Variants in SBK2 observed in about 807,000 individuals in gnomAD.
SBK2 encodes the protein serine/threonine-protein kinase SBK2.
A neutral mutation model predicts 15.9 loss-of-function variants in SBK2; 18 were observed. That is an observed-to-expected ratio of 1.13 (90% CI 0.78 to 1.68). SBK2 has a LOEUF of 1.68. Ranked by LOEUF, SBK2 falls within the 40% of genes most tolerant of loss-of-function variation. SBK2 has a pLI of 0.00. For synonymous variants in SBK2, 284 were observed against 246.8 expected, an observed-to-expected ratio of 1.15 and a Z score of -1.41; for missense variants, 581 against 510.9, an observed-to-expected ratio of 1.14 and a Z score of -1.32.
In SBK2 at chr19:55,529,622, A is replaced by G; in HGVS notation, c.*111T>C. ...GAGAGGAGAGAGGAGGAGGACGCCGAGGGGAATCCCAAGCCCCATGGATGA... is the reference window on the plus strand; with the variant it reads ...GAGAGGAGAGAGGAGGAGGACGCCGGGGGGAATCCCAAGCCCCATGGATGA... On this transcript the variant is annotated 3_prime_UTR_variant, in exon 4 of 4. Coordinates refer to ENST00000413299, the MANE Select transcript of SBK2 (RefSeq NM_001370096.2). 1 of 1,412,852 alleles carries G rather than the reference A, an allele frequency of 7.1e-7. No individual in the cohort carries two copies. Among genetic ancestry groups the G allele is most frequent in the South Asian group, 1.4e-5 (1 of 70,250 alleles). The allele number at this position is 1,412,852 out of a possible 1,614,324, so 87.5% of individuals were successfully genotyped here.
chr19:55,529,745 C>A lies in SBK2; in HGVS notation c.1035G>T (p.Glu345Asp), dbSNP rs761760033. The change falls in exon 4 of 4, where the codon GAG becomes GAT. Residue 345 changes from glutamate to aspartate, a missense_variant. Coordinates refer to ENST00000413299, the MANE Select transcript of SBK2 (RefSeq NM_001370096.2). The part of the protein sequence containing the change: ...EAEAVGAVEE[E>D]AGQ ...CCCCGGGGCCTCCTCACTGCCCAGC[C>A]TCCTCTTCCACCGCTCCCACTGCCT... 1 of 1,601,052 alleles carries A rather than the reference C, an allele frequency of 6.2e-7. No homozygotes were observed. The highest frequency in any genetic ancestry group is 1.1e-5 in the South Asian group (1 of 91,038).
rs199765502 is a variant in SBK2 at position 55,529,863 on chromosome 19, C to A, written c.917G>T (p.Gly306Val). The change falls in exon 4 of 4, where the codon GGG becomes GTG. Residue 306 changes from glycine (G) to valine (V), a missense_variant. Coordinates refer to ENST00000413299, the MANE Select transcript of SBK2 (RefSeq NM_001370096.2). ...CCTTCGGGGGTGAGGGTCCAGCAGCCCCCGCAGAAGCGCGTCGGCCGCGGC... is the reference window on the plus strand; with the variant it reads ...CCTTCGGGGGTGAGGGTCCAGCAGCACCCGCAGAAGCGCGTCGGCCGCGGC... ...LAAAADALLR[G>V]LLDPHPRRRS... 533 of 1,600,610 alleles carry A rather than the reference C, an allele frequency of 3.3e-4. 3 individuals carry two copies. The African/African-American group carries it at 6.5e-3, about 19-fold the overall frequency.
At chr19:55,531,966 G>GAA (rs35311081) in intron 2 of SBK2, among the ~76,000 whole-genome samples, 7 of 150,922 alleles carry the variant, frequency 4.6e-5, no homozygotes, top group South Asian at 2.1e-4. Context: ...GGGACAGAGT[G>GAA]AAAAAAAAAT....
chr19:55,536,864 C>A (rs1003021855), intron 1 of SBK2, among the ~76,000 whole-genome samples, 190 bp downstream of exon 1: 8 of 148,686 alleles, frequency 5.4e-5, no homozygotes, highest in African/African-American at 1.7e-4. Context: ...TCATACAATT[C>A]ACACAACTGG....
Position 55,529,251 on chromosome 19 carries a change from C to G in SBK2, c.*482G>C, listed in dbSNP as rs556804502. On this transcript the variant is annotated 3_prime_UTR_variant, in exon 4 of 4. Transcript: ENST00000413299. ...ATCTCTAAAAAAAGTTAAAAATTAG[C>G]CTAGCGTGGTGGCGCATGCCTGTAG... is the stretch of plus-strand genomic sequence containing the variant. Among the ~76,000 whole-genome samples, 2 of 152,242 alleles carry G rather than the reference C, an allele frequency of 1.3e-5. No homozygotes were observed. The highest frequency in any genetic ancestry group is 2.9e-5 in the Non-Finnish European group (2 of 68,008).
chr19:55,530,411 C>T lies in SBK2; in HGVS notation c.457-88G>A, dbSNP rs1261135936. ...AGCAGGCCCAGGACGCCAAGGAGGC[C>T]GGTAAGGAAGACGGTGAATAGTTGG... On this transcript the variant is annotated intron_variant, in intron 3 of 3. Transcript: ENST00000413299. 5.7e-6 allele frequency: 7 copies of T among 1,231,842 alleles called. No homozygotes were observed. The East Asian group carries it at 1.2e-4, about 20-fold the overall frequency. 76.3% of individuals were successfully genotyped at this position (1,231,842 alleles called of 1,614,324 possible). A position where few individuals can be genotyped will look rare whatever the true frequency, so the allele number is the denominator to read the frequency against.
Position 55,530,115 on chromosome 19 carries a change from G to A in SBK2, c.665C>T (p.Pro222Leu). ...TLLRLAGPPI[P>L]YTAPELCAPP... ...CGCGCAGAGCTCGGGGGCCGTGTAG[G>A]GGATGGGCGGCCCGGCCAGGCGCAG... Residue 222 changes from proline to leucine, a missense_variant, in exon 4 of 4, where the codon CCC becomes CTC. Physicochemically the swap from Pro to Leu is moderately conservative, Grantham distance 98. Coordinates refer to ENST00000413299, the MANE Select transcript of SBK2 (RefSeq NM_001370096.2). The A allele has an allele frequency of 6.9e-7, 1 of 1,458,592 alleles. No homozygotes were observed. The highest frequency in any genetic ancestry group is 9.0e-7 in the Non-Finnish European group (1 of 1,109,972). 90.4% of individuals were successfully genotyped at this position (1,458,592 alleles called of 1,614,324 possible). A position where few individuals can be genotyped will look rare whatever the true frequency, so the allele number is the denominator to read the frequency against.
At position 55,536,501 on chromosome 19, in the gene SBK2, T is replaced by TGCC. The variant is rs566147009; in HGVS notation, c.-2-208_-2-206dup. ...CAGGTCACAGATGTCCCTGCCCGCG[T>TGCC]GCCGCCGCCGCCACCCGCCCACCCT... On this transcript the variant is annotated intron_variant, in intron 1 of 3. Coordinates refer to ENST00000413299, the MANE Select transcript of SBK2 (RefSeq NM_001370096.2). 4.5e-4 allele frequency among the ~76,000 whole-genome samples: 68 copies of TGCC among 150,078 alleles called. No homozygotes were observed. In the East Asian group the frequency reaches 0.011, roughly 25 times the overall value.
In SBK2 at chr19:55,536,478, G is replaced by A. The variant is rs189504224; in HGVS notation, c.-2-182C>T. 2.0e-5 allele frequency among the ~76,000 whole-genome samples: 3 copies of A among 148,812 alleles called. No homozygotes were observed. The Admixed American group carries it at 2.0e-4, about 10-fold the overall frequency. On this transcript the variant is annotated intron_variant, in intron 1 of 3. Coordinates refer to ENST00000413299, the MANE Select transcript of SBK2 (RefSeq NM_001370096.2). ...AAGTCTGGTGTGAGTTCAAGCCCCAGGTCACAGATGTCCCTGCCCGCGTGC... is the reference window on the plus strand; with the variant it reads ...AAGTCTGGTGTGAGTTCAAGCCCCAAGTCACAGATGTCCCTGCCCGCGTGC...
intron 1 of SBK2, among the ~76,000 whole-genome samples, chr19:55,536,708 C>T (rs1163923294): frequency 2.6e-5 from 4 of 152,034 alleles, no homozygotes; most frequent in South Asian, 2.1e-4. Flanking sequence ...TGCATGGGAC[C>T]GAGCACTTGG....
At chr19:55,535,711 A>G (rs1409569894) in intron 2 of SBK2, among the ~76,000 whole-genome samples, 1 of 152,144 alleles carries the variant, frequency 6.6e-6, no homozygotes, top group East Asian at 1.9e-4. Context: ...CTACTAAGAA[A>G]GAAAAATACA....
rs1052964697 is a variant in SBK2, at chr19:55,529,187, G to C, written c.*546C>G. ...AGGCAGGAGGATTGTTTGAGGCCAG[G>C]AGTTGACACCCACCTGGGCAACATA... On this transcript the variant is annotated 3_prime_UTR_variant, in exon 4 of 4. Coordinates refer to ENST00000413299, the MANE Select transcript of SBK2 (RefSeq NM_001370096.2). Among the ~76,000 whole-genome samples the C allele has an allele frequency of 1.3e-5, 2 of 150,930 alleles. No individual in the cohort carries two copies. The highest frequency in any genetic ancestry group is 1.3e-4 in the Admixed American group (2 of 15,144).
rs192986596 is a variant in SBK2 at position 55,534,013 on chromosome 19, G to A, written c.253+2029C>T. On this transcript the variant is annotated intron_variant, in intron 2 of 3. Transcript: ENST00000413299. ...CCCGCCTGTTACTGCTCATGCCTCC[G>A]GCTTTGTGAGCACCCAGGGCTGGAT... Among the ~76,000 whole-genome samples the A allele has an allele frequency of 1.1e-3, 171 of 152,288 alleles. 2 individuals are homozygous for A. Among genetic ancestry groups the A allele is most frequent in the African/African-American group, 3.9e-3 (163 of 41,550 alleles).
At position 55,536,189 on chromosome 19, in the gene SBK2, G is replaced by A; in HGVS notation, c.106C>T (p.Gln36Ter). Residue 36 changes from glutamine (Q) to a stop codon, truncating the protein, a stop_gained, in exon 2 of 4, where the codon CAG (glutamine) becomes TAG (stop). Transcript: ENST00000413299. LOFTEE classifies it high-confidence loss of function. ...GLTLEELQQG[Q>*]EAARALEDMM... ...TCCTCCAGCGCGCGGGCAGCCTCCTGGCCCTGCTGGAGCTCCTCTAATGTC... is the reference window on the plus strand; with the variant it reads ...TCCTCCAGCGCGCGGGCAGCCTCCTAGCCCTGCTGGAGCTCCTCTAATGTC... 2.5e-6 allele frequency: 4 copies of A among 1,607,380 alleles called. No homozygotes were observed. The highest frequency in any genetic ancestry group is 3.4e-6 in the Non-Finnish European group (4 of 1,177,350).
chr19:55,528,617 C>A lies in SBK2; in HGVS notation c.*1116G>T, dbSNP rs1568490323. Among the ~76,000 whole-genome samples, 1 of 152,130 alleles carries A rather than the reference C, an allele frequency of 6.6e-6. No individual in the cohort carries two copies. Among genetic ancestry groups the A allele is most frequent in the Non-Finnish European group, 1.5e-5 (1 of 68,032 alleles). On this transcript the variant is annotated 3_prime_UTR_variant, in exon 4 of 4. Coordinates refer to ENST00000413299, the MANE Select transcript of SBK2 (RefSeq NM_001370096.2). ...ACTCGCAGCAGCACTGGGATCTGAG[C>A]GCCAGATGGAGTTTATTTGCAGAGT...
chr19:55,535,049 T>G (rs1031690864), intron 2 of SBK2, among the ~76,000 whole-genome samples: 3 of 150,768 alleles, frequency 2.0e-5, no homozygotes, highest in African/African-American at 4.9e-5. Flanking sequence ...AAGAAAAAAG[T>G]CAAAAGTTCT....
Position 55,529,868 on chromosome 19 carries a change from C to A in SBK2, c.912G>T (p.Leu304=), listed in dbSNP as rs1323970335. ...FGLAAAADAL[L]RGLLDPHPRR... The stretch of plus-strand genomic sequence containing the variant: ...GGGGGTGAGGGTCCAGCAGCCCCCG[C>A]AGAAGCGCGTCGGCCGCGGCGGCCA... Residue 304 remains leucine, a synonymous_variant, in exon 4 of 4, where the codon CTG becomes CTT. Transcript: ENST00000413299. The A allele has an allele frequency of 6.3e-7, 1 of 1,598,562 alleles. No homozygotes were observed.
chr19:55,529,641 T>A lies in SBK2; in HGVS notation c.*92A>T, dbSNP rs1443440317. ...ACGCCGAGGGGAATCCCAAGCCCCA[T>A]GGATGAAAACACACCGAGGAGACAC... On this transcript the variant is annotated 3_prime_UTR_variant, in exon 4 of 4. Coordinates refer to ENST00000413299, the MANE Select transcript of SBK2 (RefSeq NM_001370096.2). 3 of 1,478,122 alleles carry A rather than the reference T, an allele frequency of 2.0e-6. No individual in the cohort carries two copies. Among genetic ancestry groups the A allele is most frequent in the African/African-American group, 2.8e-5 (2 of 70,284 alleles). The allele number at this position is 1,478,122 out of a possible 1,614,324, so 91.6% of individuals were successfully genotyped here.
chr19:55,530,159 C>G lies in SBK2; in HGVS notation c.621G>C (p.Thr207=). 6.6e-7 allele frequency: 1 copy of G among 1,517,322 alleles called. No homozygotes were observed. The highest frequency in any genetic ancestry group is 1.2e-5 in the South Asian group (1 of 80,568). 94.0% of individuals were successfully genotyped at this position (1,517,322 alleles called of 1,614,324 possible). A position where few individuals can be genotyped will look rare whatever the true frequency, so the allele number is the denominator to read the frequency against. Reference sequence around the variant, plus strand: ...GGCGCAGCAGCGTCCCGCGAGGCCTCGTGTGGCCGAAGTCGGTCAGCTTGA... The same window carrying G: ...GGCGCAGCAGCGTCCCGCGAGGCCTGGTGTGGCCGAAGTCGGTCAGCTTGA... ...RRFKLTDFGH[T]RPRGTLLRLA... is the part of the protein sequence containing the mutation. The change falls in exon 4 of 4, where the codon ACG becomes ACC. Residue 207 remains threonine, a synonymous_variant. Coordinates refer to ENST00000413299, the MANE Select transcript of SBK2 (RefSeq NM_001370096.2).
Sources: gnomAD v4.1 joint callset for allele counts (sites outside exome capture counted in the v4.1 genomes callset) on GRCh38, gnomAD v4.1.1 for gene constraint, MANE v1.5 for transcripts, NCBI Gene and HGNC (gene_info 2026-07-23, HGNC 2026-07-21) for gene names.